Variants in MYO3B observed in about 807,000 individuals in gnomAD.
MYO3B encodes the protein myosin-IIIb.
Under a neutral mutation model 174.6 loss-of-function variants are expected in MYO3B, and 156 were observed. That is an observed-to-expected ratio of 0.89 (90% confidence interval 0.78 to 1.02). The LOEUF (loss-of-function observed/expected upper bound fraction) is 1.02, where lower values mean the gene tolerates loss of function less well. MYO3B is among the 50% of genes least tolerant of loss of function. The pLI is 0.00. For missense variants in MYO3B, 1,632 were observed against 1,639.4 expected, an observed-to-expected ratio of 1.00 and a Z score of 0.08; for synonymous variants, 563 against 569.1, an observed-to-expected ratio of 0.99 and a Z score of 0.15.
chr2:170,416,623 CTT>C (rs80194434), intron 22 of MYO3B, among the ~76,000 whole-genome samples: 13 of 139,864 alleles, frequency 9.3e-5, no homozygotes, highest in African/African-American at 1.8e-4. Context: ...ATCCAAACTC[CTT>C]TTTTTTTTTT....
chr2:170,436,896 G>C (rs767878587), intron 22 of MYO3B, among the ~76,000 whole-genome samples: 1 of 152,078 alleles, frequency 6.6e-6, no homozygotes, highest in Admixed American at 6.5e-5. Flanking sequence ...GCGATTTCCT[G>C]GTCTTTTCTT....
intron 28 of MYO3B, among the ~76,000 whole-genome samples, chr2:170,514,600 G>A (rs565598312): frequency 2.3e-4 from 35 of 152,322 alleles, no homozygotes; most frequent in African/African-American, 5.3e-4. Context: ...CTCATGACCT[G>A]TGTTTGTCAC....
intron 32 of MYO3B, among the ~76,000 whole-genome samples, chr2:170,650,672 CTTTTTTTTTTTTTT>C (rs766676996): frequency 2.6e-5 from 2 of 76,976 alleles, no homozygotes; most frequent in Admixed American, 1.7e-4. Flanking sequence ...TGAATTATGA[CTTTTTTTTTTTTTT>C]TTTTTTTTTT....
chr2:170,573,498 T>C (rs1013233188), intron 32 of MYO3B, among the ~76,000 whole-genome samples: 1 of 152,090 alleles, frequency 6.6e-6, no homozygotes, highest in African/African-American at 2.4e-5. Flanking sequence ...TTTTCCAAAG[T>C]AAAATGAACA....
intron 7 of MYO3B, among the ~76,000 whole-genome samples, chr2:170,311,482 A>AT (rs1400602540): frequency 6.7e-6 from 1 of 149,634 alleles, no homozygotes; most frequent in Non-Finnish European, 1.5e-5. Context: ...GAGTTTTAAG[A>AT]TTTTTTCTAA....
intron 32 of MYO3B, among the ~76,000 whole-genome samples, chr2:170,635,710 C>T (rs1697406621): frequency 6.6e-6 from 1 of 151,972 alleles, no homozygotes; most frequent in South Asian, 2.1e-4. Context: ...TTCTTTAAGT[C>T]TAATCTGTGA....
At chr2:170,433,893 C>A (rs558545092) in intron 22 of MYO3B, among the ~76,000 whole-genome samples, 122 of 152,310 alleles carry the variant, frequency 8.0e-4, no homozygotes, top group African/African-American at 2.8e-3. Flanking sequence ...TATCCATGTT[C>A]TTTTCATAAG....
intron 22 of MYO3B, among the ~76,000 whole-genome samples, chr2:170,425,620 A>G (rs542165814): frequency 6.6e-6 from 1 of 152,342 alleles, no homozygotes; most frequent in South Asian, 2.1e-4. Flanking sequence ...CAGGTAATCA[A>G]TGGGAATCAC....
intron 7 of MYO3B, among the ~76,000 whole-genome samples, chr2:170,273,091 G>A (rs1385942376): frequency 6.6e-6 from 1 of 152,038 alleles, no homozygotes; most frequent in Non-Finnish European, 1.5e-5. Context: ...TGAGACTTAA[G>A]ATCAAGAGGG....
intron 9 of MYO3B, 94 bp from the exon 10 acceptor site, chr2:170,381,922 A>C (rs1158962388): frequency 9.9e-7 from 1 of 1,011,970 alleles, no homozygotes; most frequent in Non-Finnish European, 1.5e-6. Flanking sequence ...TGAACATATC[A>C]CGTGATAAGA....
intron 32 of MYO3B, among the ~76,000 whole-genome samples, chr2:170,624,247 G>T (rs917344167): frequency 6.6e-6 from 1 of 152,010 alleles, no homozygotes; most frequent in Non-Finnish European, 1.5e-5. Context: ...CTTTTATTTC[G>T]TAGAGCAGTG....
At chr2:170,187,077 C>G (rs961918351) in intron 1 of MYO3B, among the ~76,000 whole-genome samples, 1 of 150,006 alleles carries the variant, frequency 6.7e-6, no homozygotes, top group African/African-American at 2.4e-5. Context: ...AAAGGTTTGT[C>G]AATTTTATTT....
intron 32 of MYO3B, among the ~76,000 whole-genome samples, chr2:170,608,294 C>G (rs1694936663): frequency 6.6e-6 from 1 of 152,192 alleles, no homozygotes. Flanking sequence ...TGTACCTTCT[C>G]TTTCTACAAG....
intron 7 of MYO3B, among the ~76,000 whole-genome samples, chr2:170,323,124 T>G (rs2093841083): frequency 6.6e-6 from 1 of 152,230 alleles, no homozygotes; most frequent in Non-Finnish European, 1.5e-5. Flanking sequence ...CATAATTAGG[T>G]GCATGGCTTT....
At chr2:170,388,182 G>A (rs2094389464) in intron 14 of MYO3B, among the ~76,000 whole-genome samples, 1 of 152,076 alleles carries the variant, frequency 6.6e-6, no homozygotes, top group Non-Finnish European at 1.5e-5. Flanking sequence ...GCTGTGCTTT[G>A]TGTTGGCTTG....
intron 32 of MYO3B, among the ~76,000 whole-genome samples, chr2:170,642,760 A>C (rs1345077640): frequency 6.6e-6 from 1 of 152,100 alleles, no homozygotes; most frequent in African/African-American, 2.4e-5. Flanking sequence ...CCTCCATGAC[A>C]TGACTTAAAT....
At chr2:170,523,764 G>A (rs1271907859) in intron 30 of MYO3B, among the ~76,000 whole-genome samples, 2 of 152,208 alleles carry the variant, frequency 1.3e-5, no homozygotes, top group African/African-American at 4.8e-5. Flanking sequence ...TCTGGAGCAG[G>A]AAGACAGAAG....
In MYO3B at chr2:170,447,228, C is replaced by T. The variant is rs190628162; in HGVS notation, c.2730+3182C>T. 1.3e-3 allele frequency among the ~76,000 whole-genome samples: 195 copies of T among 152,324 alleles called. 1 individual carries two copies. The highest frequency in any genetic ancestry group is 3.5e-3 in the South Asian group (17 of 4,828). ...ATGTCCTTGACTCTATCAGCTCCAA[C>T]ACATGGAGCAGCACTGCACAGTCAG... On this transcript the variant is annotated intron_variant, in intron 23 of 34. Coordinates refer to ENST00000408978, the MANE Select transcript of MYO3B (RefSeq NM_138995.5).
chr2:170,515,652 G>T (rs989520628), intron 29 of MYO3B, among the ~76,000 whole-genome samples: 2 of 151,978 alleles, frequency 1.3e-5, no homozygotes, highest in Non-Finnish European at 2.9e-5. Flanking sequence ...ACTTCTGCTT[G>T]AGAGGCTATG....
Sources: gnomAD v4.1 joint callset for allele counts (sites outside exome capture counted in the v4.1 genomes callset) on GRCh38, gnomAD v4.1.1 for gene constraint, MANE v1.5 for transcripts, NCBI Gene and HGNC (gene_info 2026-07-23, HGNC 2026-07-21) for gene names.